ZNF76: variants seen among roughly 807,000 people sequenced by gnomAD.
The protein encoded by ZNF76 is zinc finger protein 76.
A neutral mutation model predicts 66.9 loss-of-function variants in ZNF76; 66 were observed. That is an observed-to-expected ratio of 0.99 (90% CI 0.81 to 1.21). The LOEUF is 1.21. ZNF76 is among the 50% of genes most tolerant of loss of function. ZNF76 has a pLI of 0.00. For synonymous variants in ZNF76, 275 were observed against 296.1 expected (o/e 0.93, Z 0.73); for missense variants, 729 against 760.3 (o/e 0.96, Z 0.48).
At chr6:35,284,555 C>T (rs1323645919) in intron 2 of ZNF76, among the ~76,000 whole-genome samples, 1 of 152,062 alleles carries the variant, frequency 6.6e-6, no homozygotes, top group African/African-American at 2.4e-5. Flanking sequence ...CCTGCCTCCA[C>T]ACCCAGCTAA....
At chr6:35,284,898 A>G (rs1181295850) in intron 2 of ZNF76, among the ~76,000 whole-genome samples, 1 of 151,978 alleles carries the variant, frequency 6.6e-6, no homozygotes, top group Non-Finnish European at 1.5e-5. Context: ...TTTTGTAGAG[A>G]CAGGGTTTTG....
chr6:35,260,618 T>G (rs1785100598), intron 1 of ZNF76, among the ~76,000 whole-genome samples: 1 of 152,096 alleles, frequency 6.6e-6, no homozygotes, highest in African/African-American at 2.4e-5. Flanking sequence ...ATCAGAGAAT[T>G]CTGGATCAAT....
chr6:35,280,662 T>C (rs914475613), intron 1 of ZNF76, among the ~76,000 whole-genome samples: 4 of 152,128 alleles, frequency 2.6e-5, no homozygotes, highest in African/African-American at 9.7e-5. Context: ...ATGTGGGATG[T>C]TCCCTGAGGA....
chr6:35,292,077 C>G lies in ZNF76; in HGVS notation c.931+340C>G. On this transcript the variant is annotated intron_variant, in intron 9 of 13. Coordinates refer to ENST00000373953, the MANE Select transcript of ZNF76 (RefSeq NM_003427.5). This position sits in a 1 kb window ranked among gnomAD's most constrained non-coding sequence, Gnocchi z 4.7. ...ATGGGGAAGAAGCAGAGTGAACTGT[C>G]ACCTTCAACTCCTCACCTTATCCGC... The G allele has an allele frequency of 2.2e-6, 1 of 452,542 alleles. No individual in the cohort carries two copies. Among genetic ancestry groups the G allele is most frequent in the Non-Finnish European group, 4.1e-6 (1 of 244,264 alleles). 28.0% of individuals were successfully genotyped at this position (452,542 alleles called of 1,614,324 possible). A position where few individuals can be genotyped will look rare whatever the true frequency, so the allele number is the denominator to read the frequency against.
chr6:35,290,351 G>T lies in ZNF76; in HGVS notation c.518G>T (p.Gly173Val), dbSNP rs1364607479. 1 of 1,614,166 alleles carries T rather than the reference G, an allele frequency of 6.2e-7. No homozygotes were observed. Among genetic ancestry groups the T allele is most frequent in the Non-Finnish European group, 8.5e-7 (1 of 1,180,026 alleles). ...TTCCGCTGTGGCTACAAGGGCTGTG[G>T]GCGTCTCTACACCACCGCTCATCAC... ...RAFRCGYKGC[G>V]RLYTTAHHLK... Residue 173 changes from glycine (G) to valine (V), a missense_variant, in exon 6 of 14, where the codon GGG becomes GTG. Coordinates refer to ENST00000373953, the MANE Select transcript of ZNF76 (RefSeq NM_003427.5).
rs1168304699 is a variant in ZNF76, at chr6:35,293,742, T to G, written c.1330-9T>G. On this transcript the variant is annotated splice_polypyrimidine_tract_variant and intron_variant, in intron 11 of 13. Coordinates refer to ENST00000373953, the MANE Select transcript of ZNF76 (RefSeq NM_003427.5). ...ACACTGCCAGCTCATCTTCCCCTCCTGTTGGCAGGTCAGCCTGTCCCCGGA... is the reference window on the plus strand; with the variant it reads ...ACACTGCCAGCTCATCTTCCCCTCCGGTTGGCAGGTCAGCCTGTCCCCGGA... 6.2e-7 allele frequency: 1 copy of G among 1,613,342 alleles called. No individual in the cohort carries two copies. Among genetic ancestry groups the G allele is most frequent in the Admixed American group, 1.7e-5 (1 of 59,946 alleles).
At chr6:35,280,568 G>A (rs903303528) in intron 1 of ZNF76, among the ~76,000 whole-genome samples, 4 of 145,050 alleles carry the variant, frequency 2.8e-5, no homozygotes, top group African/African-American at 1.0e-4. Context: ...CCACCCCTGG[G>A]ATAGGGGATA....
At position 35,292,807 on chromosome 6, in the gene ZNF76, G is replaced by A. The variant is rs1482274256; in HGVS notation, c.1165+20G>A. ...TTGAGGGTAAGGGGAGTGGGCAGAG[G>A]GTGAGAGTGGGGACAAGCCAGGCCT... On this transcript the variant is annotated intron_variant, in intron 10 of 13. Coordinates refer to ENST00000373953, the MANE Select transcript of ZNF76 (RefSeq NM_003427.5). This position sits in a 1 kb window ranked among gnomAD's most constrained non-coding sequence, Gnocchi z 4.7. 6.2e-7 allele frequency: 1 copy of A among 1,613,970 alleles called. No individual in the cohort carries two copies. Among genetic ancestry groups the A allele is most frequent in the Non-Finnish European group, 8.5e-7 (1 of 1,179,906 alleles).
chr6:35,278,038 A>G (rs1263656811), intron 1 of ZNF76, among the ~76,000 whole-genome samples: 1 of 151,546 alleles, frequency 6.6e-6, no homozygotes, highest in Non-Finnish European at 1.5e-5. Context: ...TTGTATTTTT[A>G]GTAGAGACAG....
At position 35,286,197 on chromosome 6, in the gene ZNF76, C is replaced by T. The variant is rs2228265; in HGVS notation, c.143C>T (p.Thr48Met). 53,684 of 1,613,942 alleles carry T rather than the reference C, an allele frequency of 0.033. 3,126 individuals carry two copies. Among genetic ancestry groups the T allele is most frequent in the African/African-American group, 0.26 (19,429 of 74,916 alleles). Residue 48 changes from threonine to methionine, a missense_variant, in exon 3 of 14, where the codon ACG becomes ATG. Coordinates refer to ENST00000373953, the MANE Select transcript of ZNF76 (RefSeq NM_003427.5). ...DGTTAYIHQVTVQKEALSFED... is the reference protein window; with the variant it reads ...DGTTAYIHQVMVQKEALSFED... ...ACCACCGCATACATTCACCAGGTGA[C>T]GGTACAGAAAGGTGAGGGCACCCCA...
chr6:35,293,871 CAT>C lies in ZNF76; in HGVS notation c.1452_1453del (p.Thr485SerfsTer25). On this transcript the variant is annotated frameshift_variant, in exon 12 of 14. Transcript: ENST00000373953. LOFTEE classifies it high-confidence loss of function. ...TGCCGACCTGGCCACATCTGGCACA[CAT>C]ACAGTCACCATGGTCAGCGCCGATG... ...PDADLATSGT[H>X]TVTMVSADGT... 1 of 1,614,158 alleles carries C rather than the reference CAT, an allele frequency of 6.2e-7. No homozygotes were observed. The highest frequency in any genetic ancestry group is 8.5e-7 in the Non-Finnish European group (1 of 1,180,026).
intron 1 of ZNF76, among the ~76,000 whole-genome samples, chr6:35,264,892 G>T (rs558368520): frequency 2.0e-5 from 3 of 152,144 alleles, no homozygotes; most frequent in African/African-American, 4.8e-5. Context: ...GGCTGGACTG[G>T]ACCTGAGAAG....
chr6:35,287,828 G>A lies in ZNF76; in HGVS notation c.415G>A (p.Glu139Lys), dbSNP rs369803745. Residue 139 changes from glutamate (E) to lysine (K), a missense_variant, in exon 5 of 14, where the codon GAG becomes AAG. Coordinates refer to ENST00000373953, the MANE Select transcript of ZNF76 (RefSeq NM_003427.5). The surrounding 1 kb of genome is among the most constrained non-coding windows in gnomAD (Gnocchi z 4.0). The stretch of plus-strand genomic sequence containing the variant: ...CAGTGCAGACGCAGTGGTGGCCCTG[G>A]AGCAGTATGCCAGCAAGGTGAGCAC... ...GFSADAVVAL[E>K]QYASKVLHDS... The A allele has an allele frequency of 1.8e-5, 29 of 1,599,938 alleles. No individual in the cohort carries two copies. The highest frequency in any genetic ancestry group is 2.4e-5 in the Non-Finnish European group (28 of 1,173,496).
At chr6:35,265,512 AAAAAAAAAAAG>A (rs1785884934) in intron 1 of ZNF76, among the ~76,000 whole-genome samples, 1 of 148,548 alleles carries the variant, frequency 6.7e-6, no homozygotes, top group Non-Finnish European at 1.5e-5. Flanking sequence ...GTCTCAAAAA[AAAAAAAAAAAG>A]AAGAAGAAGA....
At chr6:35,282,742 A>T (rs367717923) in intron 2 of ZNF76, among the ~76,000 whole-genome samples, 59 of 152,306 alleles carry the variant, frequency 3.9e-4, no homozygotes, top group African/African-American at 1.3e-3. Context: ...AAGTTTACAG[A>T]TAAGTTGTTT....
intron 2 of ZNF76, among the ~76,000 whole-genome samples, chr6:35,285,019 C>G (rs1237414417): frequency 6.6e-6 from 1 of 152,230 alleles, no homozygotes; most frequent in South Asian, 2.1e-4. Context: ...CCATCATTAA[C>G]TCTTCAATCT....
chr6:35,273,190 A>T (rs989431443), intron 1 of ZNF76, among the ~76,000 whole-genome samples: 2 of 149,978 alleles, frequency 1.3e-5, no homozygotes, highest in Non-Finnish European at 3.0e-5. Flanking sequence ...CAAAAAAAAA[A>T]CGAGTCTCAC....
At chr6:35,262,434 T>G (rs1785392692) in intron 1 of ZNF76, among the ~76,000 whole-genome samples, 1 of 152,216 alleles carries the variant, frequency 6.6e-6, no homozygotes, top group Non-Finnish European at 1.5e-5. Flanking sequence ...TCTCTCTTCA[T>G]CCTTTGCCCA....
intron 4 of ZNF76, among the ~76,000 whole-genome samples, chr6:35,286,937 C>T (rs769958371): frequency 6.6e-6 from 1 of 152,082 alleles, no homozygotes; most frequent in Admixed American, 6.5e-5. Flanking sequence ...TCATTACAAA[C>T]AGAGATCAGG....
Sources: gnomAD v4.1 joint callset for allele counts (sites outside exome capture counted in the v4.1 genomes callset) on GRCh38, gnomAD v4.1.1 for gene constraint, Gnocchi (gnomAD v3.1) non-coding constraint, MANE v1.5 for transcripts, NCBI Gene and HGNC (gene_info 2026-07-23, HGNC 2026-07-21) for gene names.